The following SHTN1 variants were observed in gnomAD, a reference collection of about 807,000 sequenced individuals.
SHTN1 encodes shootin 1.
A neutral mutation model predicts 83.1 loss-of-function variants in SHTN1; 42 were observed. That is an observed-to-expected ratio of 0.51 (90% CI 0.39 to 0.65). The LOEUF is 0.65. Ranked by LOEUF, SHTN1 falls within the 30% of genes least tolerant of loss-of-function variation. The pLI, the probability that SHTN1 is intolerant of heterozygous loss-of-function variation, is 0.00. For missense variants in SHTN1, 622 were observed against 737.8 expected (o/e 0.84, Z 1.82); for synonymous variants, 224 against 247.7 (o/e 0.90, Z 0.90).
chr10:117,083,007 T>C (rs1048739237), intron 1 of SHTN1, among the ~76,000 whole-genome samples: 17 of 150,386 alleles, frequency 1.1e-4, no homozygotes, highest in African/African-American at 3.4e-4. Context: ...AGTCTGTGTC[T>C]TTTAATTGGA....
At chr10:117,112,658 A>G (rs940732343) in intron 1 of SHTN1, among the ~76,000 whole-genome samples, 4 of 152,182 alleles carry the variant, frequency 2.6e-5, no homozygotes, top group Non-Finnish European at 4.4e-5. Context: ...AACTGGGACA[A>G]CTAGAACCCA....
At chr10:116,926,849 T>C (rs1322667175) in intron 11 of SHTN1, among the ~76,000 whole-genome samples, 1 of 152,208 alleles carries the variant, frequency 6.6e-6, no homozygotes, top group Non-Finnish European at 1.5e-5. Flanking sequence ...TAATTCTAGA[T>C]GGTGGCATGT....
chr10:116,920,502 C>G (rs1163861196), intron 12 of SHTN1, among the ~76,000 whole-genome samples: 2 of 152,150 alleles, frequency 1.3e-5, no homozygotes, highest in Non-Finnish European at 1.5e-5. Context: ...CCTGCTGCTA[C>G]TACCCTCATG....
At chr10:116,984,906 C>T (rs1422895875) in intron 1 of SHTN1, among the ~76,000 whole-genome samples, 1 of 152,194 alleles carries the variant, frequency 6.6e-6, no homozygotes, top group Non-Finnish European at 1.5e-5. Context: ...CCTCTAAGAC[C>T]TTTCATACTT....
At chr10:117,077,295 G>T (rs559888301) in intron 1 of SHTN1, among the ~76,000 whole-genome samples, 2 of 152,302 alleles carry the variant, frequency 1.3e-5, no homozygotes, top group East Asian at 3.9e-4. Context: ...AGCTAAGATG[G>T]AAAGATAGTG....
At chr10:116,906,160 T>A (rs1228711867) in intron 15 of SHTN1, among the ~76,000 whole-genome samples, 1 of 152,284 alleles carries the variant, frequency 6.6e-6, no homozygotes, top group African/African-American at 2.4e-5. Context: ...ACTTACTGAC[T>A]TAATCTTTAG....
intron 7 of SHTN1, among the ~76,000 whole-genome samples, chr10:116,948,250 A>G (rs190575226): frequency 6.6e-6 from 1 of 152,294 alleles, no homozygotes; most frequent in East Asian, 1.9e-4. Flanking sequence ...CTGTTGCCCA[A>G]AGTACACAAA....
intron 3 of SHTN1, among the ~76,000 whole-genome samples, chr10:116,963,032 A>G (rs111802439): frequency 0.031 from 3,234 of 105,072 alleles, 123 homozygotes; most frequent in African/African-American, 0.11. Flanking sequence ...TTGAATAATA[A>G]AAGTTTTTTT....
intron 2 of SHTN1, among the ~76,000 whole-genome samples, chr10:117,026,687 G>A (rs1179578622): frequency 2.3e-4 from 35 of 152,194 alleles, no homozygotes; most frequent in Admixed American, 2.3e-3. Flanking sequence ...CTCCCAAAGT[G>A]CTGGGATTAC....
At chr10:116,895,915 C>G (rs936491344) in intron 16 of SHTN1, among the ~76,000 whole-genome samples, 1 of 152,088 alleles carries the variant, frequency 6.6e-6, no homozygotes, top group Non-Finnish European at 1.5e-5. Flanking sequence ...AACAAAAGCA[C>G]CTTGCTTAAT....
intron 9 of SHTN1, among the ~76,000 whole-genome samples, chr10:116,933,752 C>T (rs1849054800): frequency 6.6e-6 from 1 of 152,162 alleles, no homozygotes; most frequent in Non-Finnish European, 1.5e-5. Flanking sequence ...CACTGTCTTC[C>T]ACAATGGTTG....
Position 116,894,742 on chromosome 10 carries a change from G to T in SHTN1, c.1673+7023C>A, listed in dbSNP as rs114802169. On this transcript the variant is annotated intron_variant, in intron 16 of 16. Transcript: ENST00000355371. ...CCTTGTCTAATTGCAACTGTTAGGA[G>T]GATATTCACCTTCCTGAAAGTAATT... 4.0e-3 allele frequency among the ~76,000 whole-genome samples: 604 copies of T among 152,278 alleles called. 6 individuals are homozygous for T. Among genetic ancestry groups the T allele is most frequent in the African/African-American group, 0.014 (573 of 41,550 alleles).
chr10:116,930,349 G>A (rs1848913765), intron 9 of SHTN1, among the ~76,000 whole-genome samples: 1 of 152,130 alleles, frequency 6.6e-6, no homozygotes, highest in Non-Finnish European at 1.5e-5. Flanking sequence ...AAAAAGAATA[G>A]TACCTGATAG....
rs1387372071 is a variant in SHTN1 at position 117,084,273 on chromosome 10, C to T, written c.-188-35763G>A. ...AGTTTTCCTTCTAACAGACAGGACC[C>T]TCAGCTGCAGGTCTGTTGGAGTACC... On this transcript the variant is annotated intron_variant, in intron 1 of 17. Coordinates refer to the SHTN1 transcript ENST00000392901. 1.1e-4 allele frequency among the ~76,000 whole-genome samples: 16 copies of T among 152,124 alleles called. No individual in the cohort carries two copies. The East Asian group carries it at 2.3e-3, about 22-fold the overall frequency.
At chr10:116,901,114 G>A in intron 16 of SHTN1, 1 of 985,282 alleles carries the variant, frequency 1.0e-6, no homozygotes. Flanking sequence ...CAAACTAGCT[G>A]ACATCCTGGC....
chr10:116,919,810 T>C (rs1466599953), intron 12 of SHTN1, among the ~76,000 whole-genome samples: 1 of 152,144 alleles, frequency 6.6e-6, no homozygotes. Context: ...GCCCCATTAA[T>C]GTGCAGAGGA....
rs561038799 is a variant in SHTN1 at position 117,057,685 on chromosome 10, C to T, written c.-188-9175G>A. On this transcript the variant is annotated intron_variant, in intron 1 of 17. Transcript: ENST00000392901. ...AGGGAAGGCACAGGCTCAGAAAAGA[C>T]ATTAAGTTTATACCTTAAGCTGATC... Among the ~76,000 whole-genome samples the T allele has an allele frequency of 3.3e-5, 5 of 152,224 alleles. No individual in the cohort carries two copies. In the East Asian group the frequency reaches 9.6e-4, roughly 29 times the overall value.
chr10:117,043,218 C>G (rs188896621), intron 2 of SHTN1, among the ~76,000 whole-genome samples: 57 of 152,050 alleles, frequency 3.7e-4, no homozygotes, highest in African/African-American at 1.3e-3. Flanking sequence ...ACTTCAACCT[C>G]CGCCTCCCAG....
chr10:116,948,282 T>C (rs1849657644), intron 7 of SHTN1, among the ~76,000 whole-genome samples: 1 of 152,200 alleles, frequency 6.6e-6, no homozygotes, highest in Non-Finnish European at 1.5e-5. Context: ...ATATAGCCAC[T>C]GGAGACACTT....
Sources: gnomAD v4.1 joint callset for allele counts (sites outside exome capture counted in the v4.1 genomes callset) on GRCh38, gnomAD v4.1.1 for gene constraint, MANE v1.5 for transcripts, NCBI Gene and HGNC (gene_info 2026-07-23, HGNC 2026-07-21) for gene names.